The following NPAS2 variants were observed in gnomAD, a reference collection of about 807,000 sequenced individuals.
The protein encoded by NPAS2 is neuronal PAS domain protein 2.
In NPAS2, 23 loss-of-function variants were observed where a neutral mutation model predicts 107.5. The observed-to-expected ratio is 0.21, with a 90% CI of 0.15 to 0.30. The LOEUF (loss-of-function observed/expected upper bound fraction) is 0.30, where lower values mean the gene tolerates loss of function less well. Ranked by LOEUF, NPAS2 falls within the 10% of genes least tolerant of loss-of-function variation. NPAS2 has a pLI of 1.00. For missense variants in NPAS2, 756 were observed against 1,043.3 expected, an observed-to-expected ratio of 0.72 and a Z score of 3.79; for synonymous variants, 403 against 417.5, an observed-to-expected ratio of 0.97 and a Z score of 0.42.
At chr2:100,891,944 A>G (rs1429737802) in intron 1 of NPAS2, among the ~76,000 whole-genome samples, 1 of 152,196 alleles carries the variant, frequency 6.6e-6, no homozygotes, top group Non-Finnish European at 1.5e-5. Context: ...GCAGCCGAAC[A>G]GCGGTTTCCA....
At chr2:100,979,365 T>G (rs910742574) in intron 15 of NPAS2, among the ~76,000 whole-genome samples, 3 of 151,678 alleles carry the variant, frequency 2.0e-5, no homozygotes, top group Non-Finnish European at 4.4e-5. Flanking sequence ...GGTCTTGCAT[T>G]ATGAAGAATG....
chr2:100,850,049 T>C (rs1026850936), intron 1 of NPAS2, among the ~76,000 whole-genome samples: 38 of 54,368 alleles, frequency 7.0e-4, no homozygotes, highest in Non-Finnish European at 9.1e-4. Context: ...CAAGAGAAAA[T>C]AGAAAAAAAA....
At chr2:100,992,942 T>G (rs1408177822) in intron 19 of NPAS2, among the ~76,000 whole-genome samples, 2 of 151,962 alleles carry the variant, frequency 1.3e-5, no homozygotes, top group Non-Finnish European at 2.9e-5. Flanking sequence ...TTTTTTTTTT[T>G]GCTTTGAGAC....
chr2:100,880,608 G>C (rs879365172), intron 1 of NPAS2, among the ~76,000 whole-genome samples: 3 of 152,210 alleles, frequency 2.0e-5, no homozygotes, highest in Non-Finnish European at 4.4e-5. Context: ...GGAGGTGGGA[G>C]TGAGAGCATA....
At chr2:100,892,045 C>A (rs1681105171) in intron 1 of NPAS2, among the ~76,000 whole-genome samples, 1 of 152,160 alleles carries the variant, frequency 6.6e-6, no homozygotes, top group African/African-American at 2.4e-5. Flanking sequence ...TTGTCCACAC[C>A]CTGACCACAC....
At chr2:100,956,213 A>G (rs1187149690) in intron 7 of NPAS2, among the ~76,000 whole-genome samples, 1 of 152,080 alleles carries the variant, frequency 6.6e-6, no homozygotes, top group East Asian at 1.9e-4. Context: ...CTTAACTTTT[A>G]TTTCAGATTC....
At chr2:100,913,753 A>T (rs1255444072) in intron 2 of NPAS2, among the ~76,000 whole-genome samples, 1 of 152,136 alleles carries the variant, frequency 6.6e-6, no homozygotes, top group Non-Finnish European at 1.5e-5. Flanking sequence ...ACTTTTGGTG[A>T]TGTATAAAAT....
At chr2:100,915,963 G>A (rs1312710969) in intron 2 of NPAS2, among the ~76,000 whole-genome samples, 11 of 152,164 alleles carry the variant, frequency 7.2e-5, no homozygotes, top group Non-Finnish European at 1.5e-4. Flanking sequence ...AGGGGAGAAG[G>A]TAGAGGGGGC....
In NPAS2 at chr2:100,848,025, A is replaced by T. The variant is rs1573454842; in HGVS notation, c.-23+27611A>T. ...GAGTTGATGCAGAGGGGACCCCTGGACCTTATTTTTAGTGTTGACAAATCT... is the reference window on the plus strand; with the variant it reads ...GAGTTGATGCAGAGGGGACCCCTGGTCCTTATTTTTAGTGTTGACAAATCT... On this transcript the variant is annotated intron_variant, in intron 1 of 20. Coordinates refer to ENST00000335681, the MANE Select transcript of NPAS2 (RefSeq NM_002518.4). 2.0e-5 allele frequency among the ~76,000 whole-genome samples: 3 copies of T among 152,272 alleles called. 1 individual carries two copies.
intron 3 of NPAS2, among the ~76,000 whole-genome samples, chr2:100,932,157 C>T (rs1246781242): frequency 6.6e-6 from 1 of 152,212 alleles, no homozygotes; most frequent in Non-Finnish European, 1.5e-5. Context: ...TTTGATATTA[C>T]ATTTGAGCCA....
chr2:100,849,082 G>A (rs1019088094), intron 1 of NPAS2, among the ~76,000 whole-genome samples: 2 of 152,234 alleles, frequency 1.3e-5, no homozygotes, highest in Non-Finnish European at 2.9e-5. Context: ...AGACCTGCTG[G>A]GAAGTGGAAG....
At chr2:100,909,957 T>G (rs1173617426) in intron 2 of NPAS2, among the ~76,000 whole-genome samples, 3 of 152,162 alleles carry the variant, frequency 2.0e-5, no homozygotes, top group Non-Finnish European at 4.4e-5. Context: ...GCTGAGGGGC[T>G]TTTGGCTTTT....
At position 100,849,214 on chromosome 2, in the gene NPAS2, C is replaced by T. The variant is rs116768320; in HGVS notation, c.-23+28800C>T. Among the ~76,000 whole-genome samples the T allele has an allele frequency of 6.4e-3, 975 of 152,298 alleles. 18 individuals carry two copies. The highest frequency in any genetic ancestry group is 0.023 in the African/African-American group (938 of 41,556). Reference sequence around the variant, plus strand: ...CAGTCTAAAGTCAGCTCTCTCTTCTCTGGTTTAGGGTGGTAGTTGTGTGCT... The same window carrying T: ...CAGTCTAAAGTCAGCTCTCTCTTCTTTGGTTTAGGGTGGTAGTTGTGTGCT... On this transcript the variant is annotated intron_variant, in intron 1 of 20. Coordinates refer to ENST00000335681, the MANE Select transcript of NPAS2 (RefSeq NM_002518.4).
In NPAS2 at chr2:100,995,499, C is replaced by A. The variant is rs528422017; in HGVS notation, c.2392C>A (p.Pro798Thr). ...GACCCTGGGCTACCCCCAACCACCCCCAGCACAGCCCCAGCCCCTACGTCC... is the reference window on the plus strand; with the variant it reads ...GACCCTGGGCTACCCCCAACCACCCACAGCACAGCCCCAGCCCCTACGTCC... The part of the protein sequence containing the change: ...PGTLGYPQPP[P>T]AQPQPLRPPR... Residue 798 changes from proline to threonine, a missense_variant, in exon 21 of 21, where the codon CCA becomes ACA. Coordinates refer to ENST00000335681, the MANE Select transcript of NPAS2 (RefSeq NM_002518.4). The A allele has an allele frequency of 1.9e-6, 3 of 1,614,018 alleles. No homozygotes were observed. The highest frequency in any genetic ancestry group is 1.1e-5 in the South Asian group (1 of 91,072).
chr2:100,949,130 G>A (rs1675073771), intron 6 of NPAS2, among the ~76,000 whole-genome samples: 1 of 152,134 alleles, frequency 6.6e-6, no homozygotes, highest in South Asian at 2.1e-4. Flanking sequence ...CAGACATCTG[G>A]GAGCAAATTA....
In NPAS2 at chr2:100,974,875, A is replaced by G; in HGVS notation, c.1213A>G (p.Ser405Gly). The G allele has an allele frequency of 6.2e-7, 1 of 1,614,120 alleles. No homozygotes were observed. Among genetic ancestry groups the G allele is most frequent in the Admixed American group, 1.7e-5 (1 of 60,022 alleles). Reference protein sequence around the residue: ...LDVGASGLNTSHSPSASSRSS... With the variant: ...LDVGASGLNTGHSPSASSRSS... ...CGTGGGTGCCTCGGGCCTTAATACC[A>G]GTCATTCGCCATCGGCGTCCTCAAG... Residue 405 changes from serine to glycine, a missense_variant, in exon 13 of 21, where the codon AGT becomes GGT. Physicochemically the swap from Ser to Gly is moderately conservative, Grantham distance 56. This residue lies in a region of NPAS2 where 496 missense variants were observed against 594.4 expected (regional missense o/e 0.83). Transcript: ENST00000335681.
At chr2:100,851,880 T>C (rs989934843) in intron 1 of NPAS2, among the ~76,000 whole-genome samples, 11 of 152,086 alleles carry the variant, frequency 7.2e-5, no homozygotes, top group Admixed American at 1.3e-4. Context: ...GGAAGGTGCA[T>C]GGTAGATGGG....
chr2:100,882,238 G>A (rs1156888373), intron 1 of NPAS2, among the ~76,000 whole-genome samples: 1 of 152,192 alleles, frequency 6.6e-6, no homozygotes, highest in Non-Finnish European at 1.5e-5. Context: ...CACTGCCACA[G>A]GGGCCTGTAG....
chr2:100,912,170 T>A (rs1003909720), intron 2 of NPAS2, among the ~76,000 whole-genome samples: 1 of 152,212 alleles, frequency 6.6e-6, no homozygotes, highest in African/African-American at 2.4e-5. Context: ...AAAGGAAGAA[T>A]AAGGCCTAGT....
Sources: gnomAD v4.1 joint callset for allele counts (sites outside exome capture counted in the v4.1 genomes callset) on GRCh38, gnomAD v4.1.1 for gene constraint, gnomAD v4.1.1 regional missense constraint, MANE v1.5 for transcripts, NCBI Gene and HGNC (gene_info 2026-07-23, HGNC 2026-07-21) for gene names.